ADAM17: variants seen among roughly 807,000 people sequenced by gnomAD.
The protein encoded by ADAM17 is disintegrin and metalloproteinase domain-containing protein 17.
A neutral mutation model predicts 96.7 loss-of-function variants in ADAM17; 39 were observed. The ratio of observed to expected loss-of-function variants is 0.40; its 90% CI spans 0.31 to 0.53. ADAM17 has a LOEUF of 0.53. ADAM17 is among the 20% of genes least tolerant of loss of function. The pLI, the probability that ADAM17 is intolerant of heterozygous loss-of-function variation, is 0.44. For synonymous variants in ADAM17, 344 were observed against 359.2 expected, an observed-to-expected ratio of 0.96 and a Z score of 0.48; for missense variants, 777 against 1,013.2, an observed-to-expected ratio of 0.77 and a Z score of 3.17.
intron 1 of ADAM17, among the ~76,000 whole-genome samples, chr2:9,548,058 TCC>T (rs1665459886): frequency 1.4e-5 from 2 of 146,192 alleles, no homozygotes; most frequent in Non-Finnish European, 3.0e-5. Flanking sequence ...CGAGGCCAGA[TCC>T]TGTCTCAAAA....
chr2:9,533,375 T>C (rs113819279), intron 4 of ADAM17, among the ~76,000 whole-genome samples: 9,747 of 151,606 alleles, frequency 0.064, 1,108 homozygotes, highest in African/African-American at 0.22. Context: ...TGTGAAACCC[T>C]GTCTCTACCA....
intron 1 of ADAM17, among the ~76,000 whole-genome samples, chr2:9,548,497 G>C (rs200271148): frequency 1.9e-4 from 28 of 148,920 alleles, no homozygotes; most frequent in Non-Finnish European, 2.5e-4. Flanking sequence ...AAAAAAAAAA[G>C]AAAACAAAAC....
chr2:9,500,588 A>C (rs748288627), intron 13 of ADAM17, among the ~76,000 whole-genome samples: 44 of 152,244 alleles, frequency 2.9e-4, no homozygotes, highest in Non-Finnish European at 5.9e-4. Flanking sequence ...TTACAAAATC[A>C]AACCAACCAA....
chr2:9,503,390 C>T (rs1663145507), intron 12 of ADAM17, among the ~76,000 whole-genome samples: 1 of 152,224 alleles, frequency 6.6e-6, no homozygotes, highest in Admixed American at 6.5e-5. Flanking sequence ...TTGTAACCTA[C>T]TTCCTCCACA....
chr2:9,536,719 A>G lies in ADAM17; in HGVS notation c.340T>C (p.Phe114Leu). ...ESEYTVKWQD[F>L]FTGHVVGEPD... ...TAACCAACCACGTGTCCAGTGAAGA[A>G]GTCCTGCCATTTTACAGTGTACTCG... is the stretch of plus-strand genomic sequence containing the variant. The change falls in exon 3 of 19, where the codon TTC becomes CTC. Residue 114 changes from phenylalanine to leucine, a missense_variant. Phe to Leu is a conservative substitution (Grantham distance 22). Around this residue, in one of 3 missense-constraint regions of ADAM17, gnomAD observed 446 missense variants for 664.7 expected, o/e 0.67. Transcript: ENST00000310823. 1 of 1,614,104 alleles carries G rather than the reference A, an allele frequency of 6.2e-7. No homozygotes were observed. The highest frequency in any genetic ancestry group is 8.5e-7 in the Non-Finnish European group (1 of 1,179,988).
chr2:9,514,518 A>AATATAAATATAT (rs1663933473), intron 10 of ADAM17, among the ~76,000 whole-genome samples: 3 of 89,858 alleles, frequency 3.3e-5, no homozygotes, highest in African/African-American at 1.3e-4. Flanking sequence ...TTAAAATATA[A>AATATAAATATAT]ATATATATAT....
In ADAM17 at chr2:9,490,976, C is replaced by A. The variant is rs1223896821; in HGVS notation, c.2133+125G>T. The stretch of plus-strand genomic sequence containing the variant: ...AGAAGGGTAAACATTCCAACCTAGA[C>A]CCTTCCTGCTGCAACATGACCTTCC... On this transcript the variant is annotated intron_variant, in intron 18 of 18. Coordinates refer to ENST00000310823, the MANE Select transcript of ADAM17 (RefSeq NM_003183.6). 1.7e-4 allele frequency: 138 copies of A among 819,146 alleles called. 1 individual carries two copies. In the East Asian group the frequency reaches 3.5e-3, roughly 21 times the overall value. The allele number at this position is 819,146 out of a possible 1,614,324, so 50.7% of individuals were successfully genotyped here. A position where few individuals can be genotyped will look rare whatever the true frequency, so the allele number is the denominator to read the frequency against.
In ADAM17 at chr2:9,543,260, G is replaced by C. The variant is rs1665287669; in HGVS notation, c.123C>G (p.Asp41Glu). 1.9e-6 allele frequency: 3 copies of C among 1,601,596 alleles called. No individual in the cohort carries two copies. The highest frequency in any genetic ancestry group is 2.7e-5 in the African/African-American group (2 of 74,122). ...TATTAGATAAAGAGAGAATATCGTAGTCTGAGAGCAAAGAATCAAGCTTCT... is the reference window on the plus strand; with the variant it reads ...TATTAGATAAAGAGAGAATATCGTACTCTGAGAGCAAAGAATCAAGCTTCT... ...RLEKLDSLLS[D>E]YDILSLSNIQ... The change falls in exon 2 of 19, where the codon GAC becomes GAG. Residue 41 changes from aspartate to glutamate, a missense_variant. Coordinates refer to ENST00000310823, the MANE Select transcript of ADAM17 (RefSeq NM_003183.6).
intron 1 of ADAM17, among the ~76,000 whole-genome samples, chr2:9,544,940 C>T (rs964382520): frequency 2.0e-5 from 3 of 152,278 alleles, no homozygotes; most frequent in East Asian, 3.9e-4. Flanking sequence ...ACAAACTGCA[C>T]GAATTCTCAG....
At chr2:9,528,088 A>T (rs1558517431) in intron 4 of ADAM17, 134 bp from the exon 5 acceptor site, 1 of 538,064 alleles carries the variant, frequency 1.9e-6, no homozygotes, top group Non-Finnish European at 2.9e-6. Flanking sequence ...TCATGTTATT[A>T]AAATAAATAA....
chr2:9,499,411 T>G (rs188749928), intron 13 of ADAM17, among the ~76,000 whole-genome samples: 53 of 151,282 alleles, frequency 3.5e-4, no homozygotes, highest in African/African-American at 9.5e-4. Flanking sequence ...GTTTTTTTGG[T>G]TTTTTTTTGA....
chr2:9,515,132 A>G (rs1663995287), intron 10 of ADAM17, among the ~76,000 whole-genome samples: 1 of 152,130 alleles, frequency 6.6e-6, no homozygotes, highest in Non-Finnish European at 1.5e-5. Context: ...GAAGTATCAT[A>G]CAGAGTAATT....
In ADAM17 at chr2:9,490,146, C is replaced by G. The variant is rs371014633; in HGVS notation, c.*31G>C. The stretch of plus-strand genomic sequence containing the variant: ...AGGTCAAATCTATAAAAATATTTTG[C>G]ACACTTAAGTCAGAAGAGCTGAGAA... On this transcript the variant is annotated 3_prime_UTR_variant, in exon 19 of 19. Transcript: ENST00000310823. 3 of 1,537,466 alleles carry G rather than the reference C, an allele frequency of 2.0e-6. No individual in the cohort carries two copies. The highest frequency in any genetic ancestry group is 2.6e-6 in the Non-Finnish European group (3 of 1,132,114).
At chr2:9,504,686 CG>C (rs1244210027) in intron 12 of ADAM17, among the ~76,000 whole-genome samples, 2 of 145,898 alleles carry the variant, frequency 1.4e-5, no homozygotes, top group Admixed American at 6.9e-5. Flanking sequence ...CACTTGAACC[CG>C]GGAGACAAAG....
intron 15 of ADAM17, 137 bp downstream of exon 15, chr2:9,494,500 T>C (rs1196827896): frequency 7.2e-6 from 7 of 975,456 alleles, no homozygotes; most frequent in African/African-American, 6.6e-5. Context: ...TCCTAAGTAA[T>C]ACCCGTAGAT....
intron 1 of ADAM17, among the ~76,000 whole-genome samples, chr2:9,545,011 A>G (rs777120271): frequency 2.6e-5 from 4 of 152,128 alleles, no homozygotes; most frequent in Non-Finnish European, 4.4e-5. Context: ...TGGTACATGA[A>G]CTCAGTTTCA....
intron 5 of ADAM17, among the ~76,000 whole-genome samples, chr2:9,527,188 T>A (rs1420063262): frequency 6.6e-6 from 1 of 151,748 alleles, no homozygotes; most frequent in Non-Finnish European, 1.5e-5. Flanking sequence ...CCAGGCCTGG[T>A]GGCACATGCC....
intron 1 of ADAM17, among the ~76,000 whole-genome samples, chr2:9,547,927 C>T (rs905314193): frequency 1.6e-4 from 25 of 151,966 alleles, no homozygotes; most frequent in African/African-American, 6.0e-4. Context: ...ATTAGCCAGG[C>T]GTGGTGGTGT....
rs560047243 is a variant in ADAM17, at chr2:9,553,432, G to C, written c.97+2077C>G. ...CTCAAGCCTTTAATCCCAGCACTTT[G>C]GGAGGCCGAGGTGTGCTGATCACCT... On this transcript the variant is annotated intron_variant, in intron 1 of 18. Coordinates refer to ENST00000310823, the MANE Select transcript of ADAM17 (RefSeq NM_003183.6). 6.5e-4 allele frequency among the ~76,000 whole-genome samples: 99 copies of C among 151,854 alleles called. 1 individual carries two copies. In the Middle Eastern group the frequency reaches 0.017, roughly 26 times the overall value.
Sources: gnomAD v4.1 joint callset for allele counts (sites outside exome capture counted in the v4.1 genomes callset) on GRCh38, gnomAD v4.1.1 for gene constraint, gnomAD v4.1.1 regional missense constraint, MANE v1.5 for transcripts, NCBI Gene and HGNC (gene_info 2026-07-23, HGNC 2026-07-21) for gene names.